Variants in PRKACA observed in about 807,000 individuals in gnomAD.
The protein encoded by PRKACA is protein kinase cAMP-activated catalytic subunit alpha, also known as cAMP-dependent protein kinase catalytic subunit alpha.
In PRKACA, 9 loss-of-function variants were observed where a neutral mutation model predicts 45.8. The ratio of observed to expected loss-of-function variants is 0.20; its 90% CI spans 0.12 to 0.34. The LOEUF (loss-of-function observed/expected upper bound fraction) is 0.34. Ranked by LOEUF, PRKACA falls within the 10% of genes least tolerant of loss-of-function variation. PRKACA has a pLI of 1.00. For synonymous variants in PRKACA, 160 were observed against 178.6 expected, an observed-to-expected ratio of 0.90 and a Z score of 0.83; for missense variants, 238 against 458.6, an observed-to-expected ratio of 0.52 and a Z score of 4.39.
chr19:14,097,089 A>C lies in PRKACA; in HGVS notation c.765+272T>G. On this transcript the variant is annotated intron_variant, in intron 8 of 9. Coordinates refer to ENST00000308677, the MANE Select transcript of PRKACA (RefSeq NM_002730.4). The surrounding 1 kb of genome is among the most constrained non-coding windows in gnomAD (Gnocchi z 5.4). Reference sequence around the variant, plus strand: ...GGAGCGAAAAGGAGGGTCGTCTGGCAGGGCGGTTTGTGTTCTGTGGCCAAG... The same window carrying C: ...GGAGCGAAAAGGAGGGTCGTCTGGCCGGGCGGTTTGTGTTCTGTGGCCAAG... The C allele has an allele frequency of 2.1e-6, 1 of 476,858 alleles. No individual in the cohort carries two copies. The allele number at this position is 476,858 out of a possible 1,614,324, so 29.5% of individuals were successfully genotyped here. A position where few individuals can be genotyped will look rare whatever the true frequency, so the allele number is the denominator to read the frequency against.
rs756427847 is a variant in PRKACA at position 14,097,542 on chromosome 19, G to A, written c.642+37C>T. The A allele has an allele frequency of 7.5e-5, 121 of 1,613,164 alleles. No individual in the cohort carries two copies. Among genetic ancestry groups the A allele is most frequent in the Non-Finnish European group, 9.2e-5 (108 of 1,179,536 alleles). ...GAGGCGAGAGCAGGAGAGCAGAGCCGGCCTCAGGGGAAGGGGAGGGCTGGG... is the reference window on the plus strand; with the variant it reads ...GAGGCGAGAGCAGGAGAGCAGAGCCAGCCTCAGGGGAAGGGGAGGGCTGGG... On this transcript the variant is annotated intron_variant, in intron 7 of 9. Coordinates refer to ENST00000308677, the MANE Select transcript of PRKACA (RefSeq NM_002730.4). This position sits in a 1 kb window ranked among gnomAD's most constrained non-coding sequence, Gnocchi z 5.4.
At chr19:14,109,687 C>T (rs576055030) in intron 1 of PRKACA, among the ~76,000 whole-genome samples, 34 of 150,920 alleles carry the variant, frequency 2.3e-4, no homozygotes, top group African/African-American at 8.3e-4. Flanking sequence ...TCTATAATCC[C>T]AGCACTTTGG....
chr19:14,099,873 C>T (rs990568679), intron 5 of PRKACA, among the ~76,000 whole-genome samples: 3 of 152,092 alleles, frequency 2.0e-5, no homozygotes, highest in African/African-American at 4.8e-5. Flanking sequence ...GACGGAGTCT[C>T]GCTCTGTCAC....
rs749688339 is a variant in PRKACA at position 14,100,841 on chromosome 19, C to T, written c.404G>A (p.Arg135Gln). 6.2e-6 allele frequency: 10 copies of T among 1,614,062 alleles called. 1 individual carries two copies. Among genetic ancestry groups the T allele is most frequent in the South Asian group, 1.1e-5 (1 of 91,086 alleles). ...GCCCGCTTACCTGAACCTTCCGATC[C>T]GCCGTAGGTGTGAGAACATCTCCCC... The part of the protein sequence containing the change: ...PGGEMFSHLR[R>Q]IGRFSEPHAR... Residue 135 changes from arginine (R) to glutamine (Q), a missense_variant, in exon 5 of 10, where the codon CGG becomes CAG. This residue lies in a region of PRKACA where 94 missense variants were observed against 240.9 expected (regional missense o/e 0.39). Transcript: ENST00000308677.
intron 1 of PRKACA, among the ~76,000 whole-genome samples, chr19:14,111,487 T>C (rs1966963120): frequency 6.6e-6 from 1 of 151,892 alleles, no homozygotes; most frequent in Non-Finnish European, 1.5e-5. Flanking sequence ...GGAGAGGGGA[T>C]AGGCAATGAA....
chr19:14,107,234 G>T, intron 2 of PRKACA, 114 bp downstream of exon 2: 1 of 1,136,248 alleles, frequency 8.8e-7, no homozygotes, highest in Non-Finnish European at 1.3e-6. Flanking sequence ...CAAATGGGGA[G>T]GGTCTGAAGC....
chr19:14,101,238 G>T (rs1977432913), intron 4 of PRKACA: 3 of 260,390 alleles, frequency 1.2e-5, no homozygotes. Context: ...GAATTAGTGG[G>T]GCCCAGAATA....
chr19:14,098,912 A>G (rs988424359), intron 5 of PRKACA, among the ~76,000 whole-genome samples: 2 of 152,114 alleles, frequency 1.3e-5, no homozygotes, highest in African/African-American at 4.8e-5. Context: ...GCTATATACA[A>G]CTGTCAAAAC....
intron 5 of PRKACA, among the ~76,000 whole-genome samples, chr19:14,099,994 T>C (rs1370959404): frequency 3.3e-5 from 5 of 151,396 alleles, no homozygotes; most frequent in Non-Finnish European, 4.4e-5. Context: ...GCGCCCGCCA[T>C]CACACCCGGC....
In PRKACA at chr19:14,092,528, G is replaced by A. The variant is rs997528012; in HGVS notation, c.*584C>T. 11 of 398,280 alleles carry A rather than the reference G, an allele frequency of 2.8e-5. No homozygotes were observed. Among genetic ancestry groups the A allele is most frequent in the Non-Finnish European group, 4.4e-5 (10 of 225,834 alleles). 24.7% of individuals were successfully genotyped at this position (398,280 alleles called of 1,614,324 possible). ...GGAGGGGTGGGAGTAGAGGAAGGAG[G>A]GAGGGAGGCACTGGTGGAACTTAAA... On this transcript the variant is annotated 3_prime_UTR_variant, in exon 10 of 10. Transcript: ENST00000308677.
intron 1 of PRKACA, chr19:14,108,111 G>A: frequency 4.1e-6 from 4 of 985,528 alleles, no homozygotes; most frequent in Non-Finnish European, 4.8e-6. Context: ...CCAGGAAACA[G>A]GCTTGAAAAC....
intron 1 of PRKACA, among the ~76,000 whole-genome samples, chr19:14,109,812 C>T (rs1398518208): frequency 6.7e-6 from 1 of 148,502 alleles, no homozygotes; most frequent in Non-Finnish European, 1.5e-5. Flanking sequence ...GTGGCGCATG[C>T]CTGTAATCCC....
chr19:14,093,671 T>C lies in PRKACA; in HGVS notation c.887A>G (p.Lys296Arg), dbSNP rs1977161080. The change falls in exon 9 of 10, where the codon AAG becomes AGG. Residue 296 changes from lysine (K) to arginine (R), a missense_variant. Transcript: ENST00000308677. The part of the protein sequence containing the change: ...KNGVNDIKNH[K>R]WFATTDWIAI... The stretch of plus-strand genomic sequence containing the variant: ...AATCCAGTCAGTTGTGGCAAACCAC[T>C]TGTGGTTCTTGATATCGTTGACCCC... The C allele has an allele frequency of 1.2e-6, 2 of 1,614,020 alleles. No homozygotes were observed. The highest frequency in any genetic ancestry group is 1.3e-5 in the African/African-American group (1 of 74,928).
chr19:14,096,039 T>TTTG (rs1249360591), intron 8 of PRKACA, among the ~76,000 whole-genome samples: 1 of 143,670 alleles, frequency 7.0e-6, no homozygotes, highest in African/African-American at 2.6e-5. Flanking sequence ...TTAGTTTTTT[T>TTTG]TTTTTTTTTT....
chr19:14,107,668 T>G (rs1599346294), intron 1 of PRKACA: 1 of 1,302,818 alleles, frequency 7.7e-7, no homozygotes, highest in Admixed American at 3.6e-5. Context: ...CGGAGGGAGG[T>G]GCCCAGGCAG....
chr19:14,108,295 G>C (rs1369085500), intron 1 of PRKACA: 1 of 296,586 alleles, frequency 3.4e-6, no homozygotes. Flanking sequence ...GGGTGGTTTT[G>C]AGGAATGAAT....
chr19:14,111,691 T>C (rs1006221462), intron 1 of PRKACA, among the ~76,000 whole-genome samples: 1 of 152,204 alleles, frequency 6.6e-6, no homozygotes, highest in Non-Finnish European at 1.5e-5. Context: ...TCCCCCACCT[T>C]AGTCTCCCAA....
Position 14,111,571 on chromosome 19 carries a change from A to G in PRKACA, c.47-4162T>C, listed in dbSNP as rs1041669968. On this transcript the variant is annotated intron_variant, in intron 1 of 9. Coordinates refer to ENST00000308677, the MANE Select transcript of PRKACA (RefSeq NM_002730.4). ...GGGGCCTGAGCCTGGGGGTCACACC[A>G]AATCCAACACTTTCACTAGCAGAAC... Among the ~76,000 whole-genome samples, 4 of 152,282 alleles carry G rather than the reference A, an allele frequency of 2.6e-5. No individual in the cohort carries two copies. The South Asian group carries it at 8.3e-4, about 32-fold the overall frequency.
chr19:14,117,649 T>A lies in PRKACA; in HGVS notation c.-102A>T. The A allele has an allele frequency of 1.5e-6, 1 of 664,130 alleles. No homozygotes were observed. The highest frequency in any genetic ancestry group is 1.9e-6 in the Non-Finnish European group (1 of 538,850). 41.1% of individuals were successfully genotyped at this position (664,130 alleles called of 1,614,324 possible). A position where few individuals can be genotyped will look rare whatever the true frequency, so the allele number is the denominator to read the frequency against. ...CGCTGGGCGGCGGCGGCGGCGGCCC[T>A]CGGGCTGGCTGCGCTAGCTGCGGCG... is the stretch of plus-strand genomic sequence containing the variant. On this transcript the variant is annotated 5_prime_UTR_variant, in exon 1 of 10. Transcript: ENST00000308677.
Sources: allele counts gnomAD v4.1 joint callset (sites outside exome capture counted in the v4.1 genomes callset), GRCh38; gene constraint gnomAD v4.1.1; regional missense constraint gnomAD v4.1.1; non-coding constraint Gnocchi (gnomAD v3.1); transcripts MANE v1.5; gene names NCBI Gene and HGNC (gene_info 2026-07-23, HGNC 2026-07-21).